COPG1: variants seen among roughly 807,000 people sequenced by gnomAD.
COPG1 encodes the protein coatomer subunit gamma-1.
COPG1 carries 29 observed loss-of-function variants against 102.8 expected under a neutral mutation model. That is an observed-to-expected ratio of 0.28 (90% CI 0.21 to 0.38). The LOEUF (loss-of-function observed/expected upper bound fraction) is 0.38, where lower values mean the gene tolerates loss of function less well. Ranked by LOEUF, COPG1 falls within the 10% of genes least tolerant of loss-of-function variation. The pLI is 1.00. For missense variants in COPG1, 875 were observed against 1,132.7 expected (o/e 0.77, Z 3.27); for synonymous variants, 406 against 421.6 (o/e 0.96, Z 0.45).
intron 6 of COPG1, 94 bp downstream of exon 6, chr3:129,254,837 C>G (rs989366040): frequency 2.3e-6 from 3 of 1,289,726 alleles, no homozygotes; most frequent in Non-Finnish European, 1.1e-6. Flanking sequence ...TATCACTGAG[C>G]CAGGTGATGT....
chr3:129,250,537 C>A, intron 1 of COPG1, 145 bp from the exon 2 acceptor site: 1 of 657,282 alleles, frequency 1.5e-6, no homozygotes, highest in Non-Finnish European at 2.7e-6. Context: ...GATCCCTAGA[C>A]AGATTGTAGA....
Position 129,267,022 on chromosome 3 carries a change from A to G in COPG1, c.1469-2A>G. The G allele has an allele frequency of 6.2e-7, 1 of 1,613,088 alleles. No individual in the cohort carries two copies. Among genetic ancestry groups the G allele is most frequent in the Non-Finnish European group, 8.5e-7 (1 of 1,179,332 alleles). ...TAAATCACATTCGCTTCCTAAACAC[A>G]GGTGCTGTGAGTGCTCTGGCGAAGT... On this transcript the variant is annotated splice_acceptor_variant, in intron 14 of 23. Transcript: ENST00000314797. LOFTEE classifies it high-confidence loss of function.
chr3:129,272,546 A>C (rs1034927022), intron 20 of COPG1, 131 bp downstream of exon 20: 22 of 791,804 alleles, frequency 2.8e-5, no homozygotes, highest in Non-Finnish European at 4.4e-5. Flanking sequence ...CAAGAAGAAG[A>C]ATAGCTGAGT....
intron 15 of COPG1, among the ~76,000 whole-genome samples, chr3:129,267,681 G>A (rs2107677763): frequency 6.6e-6 from 1 of 152,252 alleles, no homozygotes; most frequent in South Asian, 2.1e-4. Context: ...CATTTAAGAT[G>A]TGTAGTTTGA....
intron 18 of COPG1, among the ~76,000 whole-genome samples, chr3:129,270,909 G>A (rs1182575555): frequency 1.3e-5 from 2 of 152,152 alleles, no homozygotes; most frequent in Non-Finnish European, 2.9e-5. Flanking sequence ...TGTTAGAAAT[G>A]CAAATTCCTT....
intron 7 of COPG1, among the ~76,000 whole-genome samples, 177 bp from the exon 8 acceptor site, chr3:129,255,891 A>G (rs1400885088): frequency 6.6e-6 from 1 of 151,876 alleles, no homozygotes; most frequent in Non-Finnish European, 1.5e-5. Context: ...GATGGTGTTG[A>G]CCCATGCCTT....
intron 1 of COPG1, among the ~76,000 whole-genome samples, chr3:129,249,973 A>AC (rs62819160): frequency 0.034 from 4,325 of 125,372 alleles, 61 homozygotes; most frequent in East Asian, 0.045. Context: ...CGCGACAAAC[A>AC]CCCCCCCCCC....
chr3:129,273,452 T>A (rs1940217321), intron 21 of COPG1, among the ~76,000 whole-genome samples: 2 of 152,212 alleles, frequency 1.3e-5, no homozygotes. Context: ...TTAGAGTTAT[T>A]TTTGGGGGGA....
intron 13 of COPG1, 50 bp from the exon 14 acceptor site, chr3:129,265,499 T>C (rs367759614): frequency 6.3e-6 from 10 of 1,597,646 alleles, no homozygotes; most frequent in Non-Finnish European, 8.5e-6. Context: ...GGTCTTCAAC[T>C]CTTTTCTGGA....
intron 10 of COPG1, 118 bp from the exon 11 acceptor site, chr3:129,260,215 G>A (rs1400333660): frequency 2.3e-6 from 2 of 876,874 alleles, no homozygotes; most frequent in Non-Finnish European, 3.7e-6. Flanking sequence ...GGGTTGGGAT[G>A]GGGGTGTCAG....
rs1243989794 is a variant in COPG1, at chr3:129,272,404, A to G, written c.2147A>G (p.Asp716Gly). The G allele has an allele frequency of 1.9e-6, 3 of 1,612,682 alleles. No homozygotes were observed. The highest frequency in any genetic ancestry group is 2.7e-5 in the African/African-American group (2 of 74,672). ...ACACTGGTGGCACTGCCCAAAGAAG[A>G]CCCCACAGCTGGTGAGCCCCTCTCC... ...CYTLVALPKE[D>G]PTAVACTFSC... is the part of the protein sequence containing the mutation. The change falls in exon 20 of 24, where the codon GAC becomes GGC. Residue 716 changes from aspartate (D) to glycine (G), a missense_variant. Transcript: ENST00000314797.
intron 19 of COPG1, 115 bp downstream of exon 19, chr3:129,272,024 G>C (rs1940191149): frequency 1.6e-6 from 2 of 1,251,006 alleles, no homozygotes; most frequent in Non-Finnish European, 2.2e-6. Flanking sequence ...AGCCCAACTT[G>C]ATGACAGAAT....
chr3:129,260,273 G>A (rs1024827214), intron 10 of COPG1, 60 bp from the exon 11 acceptor site: 38 of 1,497,200 alleles, frequency 2.5e-5, no homozygotes, highest in Middle Eastern at 1.7e-4. Context: ...AGTAGCCCCC[G>A]GTTTTCCCAG....
chr3:129,255,987 T>TTCCCTCA, intron 7 of COPG1, 81 bp from the exon 8 acceptor site: 1 of 1,260,222 alleles, frequency 7.9e-7, no homozygotes, highest in Non-Finnish European at 1.1e-6. Context: ...GAGCTGTGTC[T>TTCCCTCA]GAGGGAAGAC....
Position 129,260,781 on chromosome 3 carries a change from A to G in COPG1, c.1102A>G (p.Met368Val). The change falls in exon 12 of 24, where the codon ATG becomes GTG. Residue 368 changes from methionine to valine, a missense_variant. Coordinates refer to ENST00000314797, the MANE Select transcript of COPG1 (RefSeq NM_016128.4). ...DRLMKQISSF[M>V]SEISDEFKVV... ...CCTCATGAAGCAGATCTCCTCCTTCATGTCAGAAATCTCGGATGAATTCAA... is the reference window on the plus strand; with the variant it reads ...CCTCATGAAGCAGATCTCCTCCTTCGTGTCAGAAATCTCGGATGAATTCAA... 4 of 1,612,478 alleles carry G rather than the reference A, an allele frequency of 2.5e-6. No individual in the cohort carries two copies. The highest frequency in any genetic ancestry group is 3.4e-6 in the Non-Finnish European group (4 of 1,179,960).
intron 12 of COPG1, among the ~76,000 whole-genome samples, chr3:129,262,124 C>T (rs1460191923): frequency 6.6e-6 from 1 of 152,046 alleles, no homozygotes; most frequent in Non-Finnish European, 1.5e-5. Context: ...CATATTAGAT[C>T]CTTCTGGGTC....
At chr3:129,260,867 C>A in intron 12 of COPG1, 60 bp downstream of exon 12, 1 of 1,550,102 alleles carries the variant, frequency 6.5e-7, no homozygotes, top group Non-Finnish European at 8.8e-7. Context: ...TCCCTGCTCT[C>A]TGTGGCCACA....
chr3:129,252,639 C>T lies in COPG1; in HGVS notation c.188C>T (p.Thr63Ile), dbSNP rs1420309446. 3 of 1,614,034 alleles carry T rather than the reference C, an allele frequency of 1.9e-6. No homozygotes were observed. Among genetic ancestry groups the T allele is most frequent in the Non-Finnish European group, 2.5e-6 (3 of 1,179,930 alleles). Residue 63 changes from threonine (T) to isoleucine (I), a missense_variant, in exon 4 of 24, where the codon ACC becomes ATC. Thr to Ile is a moderately conservative substitution (Grantham distance 89). Transcript: ENST00000314797. ...TTAACACAGGGGGAGCACCTGGGGA[C>T]CACGGAAGCGACCGAGGCCTTCTTT... ...YLINQGEHLGTTEATEAFFAM... is the reference protein window; with the variant it reads ...YLINQGEHLGITEATEAFFAM...
intron 14 of COPG1, among the ~76,000 whole-genome samples, chr3:129,266,777 A>G (rs1940068749): frequency 1.3e-5 from 2 of 152,208 alleles, no homozygotes; most frequent in African/African-American, 4.8e-5. Flanking sequence ...CTGGAACCTT[A>G]GAATGGGAGC....
Sources: allele counts gnomAD v4.1 joint callset (sites outside exome capture counted in the v4.1 genomes callset), GRCh38; gene constraint gnomAD v4.1.1; transcripts MANE v1.5; gene names NCBI Gene and HGNC (gene_info 2026-07-23, HGNC 2026-07-21).